ZDHHC17: variants seen among roughly 807,000 people sequenced by gnomAD.
The protein encoded by ZDHHC17 is zDHHC palmitoyltransferase 17, also known as palmitoyltransferase ZDHHC17.
In ZDHHC17, 40 loss-of-function variants were observed where a neutral mutation model predicts 90.3. The observed-to-expected ratio is 0.44, with a 90% CI of 0.34 to 0.58. The LOEUF (loss-of-function observed/expected upper bound fraction) is 0.58, where lower values mean the gene tolerates loss of function less well. ZDHHC17 is among the 20% of genes least tolerant of loss of function. The pLI is 0.01. For missense variants in ZDHHC17, 614 were observed against 780.8 expected, an observed-to-expected ratio of 0.79 and a Z score of 2.55; for synonymous variants, 235 against 252.4, an observed-to-expected ratio of 0.93 and a Z score of 0.65.
At chr12:76,826,639 T>TGA (rs1953233736) in intron 8 of ZDHHC17, among the ~76,000 whole-genome samples, 1 of 152,204 alleles carries the variant, frequency 6.6e-6, no homozygotes, top group South Asian at 2.1e-4. Context: ...GTTAAGCAGG[T>TGA]AGTACTGTCT....
At chr12:76,820,972 T>C (rs2137777069) in intron 7 of ZDHHC17, 4 of 804,208 alleles carry the variant, frequency 5.0e-6, no homozygotes, top group Non-Finnish European at 5.4e-6. Context: ...TTTTACCAGC[T>C]GAATAAAAGA....
At chr12:76,816,089 T>G (rs1306181238) in intron 7 of ZDHHC17, 70 bp downstream of exon 7, 1 of 1,255,926 alleles carries the variant, frequency 8.0e-7, no homozygotes, top group Non-Finnish European at 1.0e-6. Flanking sequence ...ATAAAACAAG[T>G]TTTTCATAGA....
intron 3 of ZDHHC17, among the ~76,000 whole-genome samples, chr12:76,807,130 A>ACTT (rs1565782592): frequency 2.0e-5 from 3 of 152,214 alleles, no homozygotes; most frequent in Non-Finnish European, 1.5e-5. Flanking sequence ...TAAGAGTTTG[A>ACTT]ATTTTAACTA....
chr12:76,787,265 A>G (rs1244504513), intron 1 of ZDHHC17, among the ~76,000 whole-genome samples: 1 of 152,184 alleles, frequency 6.6e-6, no homozygotes, highest in Non-Finnish European at 1.5e-5. Context: ...ATCATCAACT[A>G]GGAGATACAT....
chr12:76,846,270 T>G, intron 13 of ZDHHC17: 1 of 282,086 alleles, frequency 3.5e-6, no homozygotes, highest in Non-Finnish European at 6.6e-6. Flanking sequence ...GAGAAACCTT[T>G]GGATTGTAAA....
At chr12:76,809,259 T>G (rs889700306) in intron 4 of ZDHHC17, 139 bp downstream of exon 4, 11 of 530,186 alleles carry the variant, frequency 2.1e-5, no homozygotes, top group Non-Finnish European at 3.3e-5. Flanking sequence ...GCTGATGTTT[T>G]ATTGTGAAAT....
Position 76,830,339 on chromosome 12 carries a change from C to T in ZDHHC17, c.1141+1849C>T, listed in dbSNP as rs1398480789. On this transcript the variant is annotated intron_variant, in intron 10 of 16. Coordinates refer to ENST00000426126, the MANE Select transcript of ZDHHC17 (RefSeq NM_015336.4). Reference sequence around the variant, plus strand: ...TGTTTTAGTTGAAACACAAAATGTGCTTATTTTATTTTTGAGACCTAAGGC... The same window carrying T: ...TGTTTTAGTTGAAACACAAAATGTGTTTATTTTATTTTTGAGACCTAAGGC... Among the ~76,000 whole-genome samples, 4 of 151,992 alleles carry T rather than the reference C, an allele frequency of 2.6e-5. No individual in the cohort carries two copies. In the East Asian group the frequency reaches 7.7e-4, roughly 29 times the overall value.
chr12:76,834,633 A>G (rs974549273), intron 10 of ZDHHC17, among the ~76,000 whole-genome samples: 63 of 152,274 alleles, frequency 4.1e-4, no homozygotes, highest in African/African-American at 1.3e-3. Flanking sequence ...TTTTAATAAT[A>G]TTGCTGTATA....
In ZDHHC17 at chr12:76,845,812, A is replaced by G. The variant is rs768188060; in HGVS notation, c.1423+10A>G. On this transcript the variant is annotated intron_variant, in intron 13 of 16. Transcript: ENST00000426126. ...GTGGGTAACTGTGTAGGTAAGTTGT[A>G]TTAGTAATTTCTTCTGTATCATTCA... The G allele has an allele frequency of 6.8e-7, 1 of 1,480,962 alleles. No homozygotes were observed. 91.7% of individuals were successfully genotyped at this position (1,480,962 alleles called of 1,614,324 possible). A position where few individuals can be genotyped will look rare whatever the true frequency, so the allele number is the denominator to read the frequency against.
intron 5 of ZDHHC17, among the ~76,000 whole-genome samples, 160 bp downstream of exon 5, chr12:76,810,017 A>C (rs1463294449): frequency 6.6e-6 from 1 of 152,232 alleles, no homozygotes; most frequent in Non-Finnish European, 1.5e-5. Flanking sequence ...TATTTAATGT[A>C]CCTAACATAA....
In ZDHHC17 at chr12:76,803,040, C is replaced by T. The variant is rs1042551859; in HGVS notation, c.198-2277C>T. Among the ~76,000 whole-genome samples, 13 of 152,080 alleles carry T rather than the reference C, an allele frequency of 8.5e-5. No individual in the cohort carries two copies. In the East Asian group the frequency reaches 2.3e-3, roughly 27 times the overall value. On this transcript the variant is annotated intron_variant, in intron 2 of 16. Coordinates refer to ENST00000426126, the MANE Select transcript of ZDHHC17 (RefSeq NM_015336.4). ...GCTGAGGTGGGCAGATCGCTTGAGC[C>T]CAGGAGTTCAAGACCAGCCTGAGCA...
intron 1 of ZDHHC17, among the ~76,000 whole-genome samples, chr12:76,771,340 CTT>C (rs1952490295): frequency 6.6e-6 from 1 of 152,144 alleles, no homozygotes. Context: ...TTAAACAATA[CTT>C]TTTTGTTTTT....
intron 7 of ZDHHC17, among the ~76,000 whole-genome samples, chr12:76,820,432 T>C (rs1004894028): frequency 1.3e-5 from 2 of 152,198 alleles, no homozygotes; most frequent in Non-Finnish European, 2.9e-5. Flanking sequence ...CCTTAGCATA[T>C]GTTTTTGGTT....
chr12:76,802,403 A>C (rs1208668514), intron 2 of ZDHHC17, among the ~76,000 whole-genome samples: 1 of 152,134 alleles, frequency 6.6e-6, no homozygotes, highest in Non-Finnish European at 1.5e-5. Flanking sequence ...CAAAAGTTTG[A>C]TTATAATATG....
chr12:76,797,593 AAT>A, intron 2 of ZDHHC17, 56 bp downstream of exon 2: 2 of 1,315,396 alleles, frequency 1.5e-6, no homozygotes, highest in Non-Finnish European at 2.1e-6. Context: ...GTGAAATATG[AAT>A]CTGAATAACA....
intron 1 of ZDHHC17, chr12:76,781,808 C>T: frequency 2.6e-6 from 1 of 384,728 alleles, no homozygotes; most frequent in Non-Finnish European, 5.1e-6. Flanking sequence ...TACCATTTAG[C>T]AATTACATTG....
At chr12:76,781,155 T>A (rs899653408) in intron 1 of ZDHHC17, among the ~76,000 whole-genome samples, 194 of 105,496 alleles carry the variant, frequency 1.8e-3, no homozygotes, top group African/African-American at 5.4e-3. Flanking sequence ...AAAAAAAAAA[T>A]CTGATAAATC....
chr12:76,807,555 A>G (rs1463746565), intron 3 of ZDHHC17, among the ~76,000 whole-genome samples: 4 of 152,204 alleles, frequency 2.6e-5, no homozygotes, highest in African/African-American at 7.2e-5. Context: ...TTATAGCTAC[A>G]CGAAATAACA....
intron 1 of ZDHHC17, chr12:76,764,856 C>G (rs1298487472): frequency 2.2e-6 from 1 of 456,040 alleles, no homozygotes; most frequent in Non-Finnish European, 4.4e-6. Flanking sequence ...GTCGGGCGTC[C>G]TTTTTTGAGC....
Sources: gnomAD v4.1 joint callset for allele counts (sites outside exome capture counted in the v4.1 genomes callset) on GRCh38, gnomAD v4.1.1 for gene constraint, MANE v1.5 for transcripts, NCBI Gene and HGNC (gene_info 2026-07-23, HGNC 2026-07-21) for gene names.